PTGS1: variants seen among roughly 807,000 people sequenced by gnomAD.
The protein encoded by PTGS1 is prostaglandin-endoperoxide synthase 1.
PTGS1 carries 40 observed loss-of-function variants against 63.0 expected under a neutral mutation model. The ratio of observed to expected loss-of-function variants is 0.63; its 90% CI spans 0.49 to 0.83. PTGS1 has a LOEUF of 0.83. Ranked by LOEUF, PTGS1 falls within the 40% of genes least tolerant of loss-of-function variation. PTGS1 has a pLI of 0.00. For synonymous variants in PTGS1, 298 were observed against 301.9 expected, an observed-to-expected ratio of 0.99 and a Z score of 0.13; for missense variants, 709 against 786.5, an observed-to-expected ratio of 0.90 and a Z score of 1.18.
intron 2 of PTGS1, among the ~76,000 whole-genome samples, chr9:122,373,154 G>A (rs1008490305): frequency 6.6e-6 from 1 of 152,220 alleles, no homozygotes; most frequent in South Asian, 2.1e-4. Context: ...AGGAAACACC[G>A]TAAGGGTAAT....
chr9:122,393,439 A>G lies in PTGS1; in HGVS notation c.*895A>G, dbSNP rs202155518. The G allele has an allele frequency of 6.6e-6, 1 of 152,126 alleles. No individual in the cohort carries two copies. The highest frequency in any genetic ancestry group is 1.5e-5 in the Non-Finnish European group (1 of 68,038). The allele number at this position is 152,126 out of a possible 1,614,324, so 9.4% of individuals were successfully genotyped here. ...TTCTGCTGGGATCCTTGGGCCCATC[A>G]CTGTATAGACATGCTACCACTGGTA... On this transcript the variant is annotated 3_prime_UTR_variant, in exon 11 of 11. Transcript: ENST00000362012.
rs1838366307 is a variant in PTGS1, at chr9:122,392,752, TC to T, written c.*209del. 1 of 537,454 alleles carries T rather than the reference TC, an allele frequency of 1.9e-6. No homozygotes were observed. Among genetic ancestry groups the T allele is most frequent in the Non-Finnish European group, 3.3e-6 (1 of 306,380 alleles). 33.3% of individuals were successfully genotyped at this position (537,454 alleles called of 1,614,324 possible). ...GAATGCTGAACTCCTTGTTAGCCCTTCAGATTGTTAGGAGTGGTTCTCATTT... is the reference window on the plus strand; with the variant it reads ...GAATGCTGAACTCCTTGTTAGCCCTTAGATTGTTAGGAGTGGTTCTCATTT... On this transcript the variant is annotated 3_prime_UTR_variant, in exon 11 of 11. Transcript: ENST00000362012.
chr9:122,371,588 C>T (rs758661334), intron 2 of PTGS1: 15 of 1,430,084 alleles, frequency 1.0e-5, no homozygotes, highest in Non-Finnish European at 1.4e-5. Flanking sequence ...GCCTCTGCAC[C>T]CAACAACCCC....
intron 9 of PTGS1, among the ~76,000 whole-genome samples, chr9:122,387,451 C>A (rs938783456): frequency 2.6e-5 from 4 of 152,140 alleles, no homozygotes; most frequent in African/African-American, 9.7e-5. Flanking sequence ...ACCGCCAGAA[C>A]CTTAGTATGT....
chr9:122,371,973 G>C (rs1344864051), intron 2 of PTGS1: 6 of 650,920 alleles, frequency 9.2e-6, no homozygotes, highest in Non-Finnish European at 1.6e-5. Flanking sequence ...GAGCCACTCT[G>C]GGTTTCATGG....
At chr9:122,388,611 A>T (rs1418960502) in intron 9 of PTGS1, among the ~76,000 whole-genome samples, 1 of 152,206 alleles carries the variant, frequency 6.6e-6, no homozygotes, top group Non-Finnish European at 1.5e-5. Flanking sequence ...GGAAGCTCAG[A>T]GCAACAGATG....
chr9:122,371,062 TCCC>T lies in PTGS1; in HGVS notation c.-22_-20del. On this transcript the variant is annotated 5_prime_UTR_variant, in exon 1 of 11. Coordinates refer to ENST00000362012, the MANE Select transcript of PTGS1 (RefSeq NM_000962.4). Reference sequence around the variant, plus strand: ...CACGCACAGGAGCCTGCACTCTGCGTCCCGCACCCCAGCAGCCGCGCCATGAGC... The same window carrying T: ...CACGCACAGGAGCCTGCACTCTGCGTGCACCCCAGCAGCCGCGCCATGAGC... 6.3e-7 allele frequency: 1 copy of T among 1,590,372 alleles called. No individual in the cohort carries two copies.
In PTGS1 at chr9:122,392,684, C is replaced by A. The variant is rs375625844; in HGVS notation, c.*140C>A. 8.9e-6 allele frequency: 6 copies of A among 675,654 alleles called. No individual in the cohort carries two copies. Among genetic ancestry groups the A allele is most frequent in the African/African-American group, 7.2e-5 (4 of 55,414 alleles). The allele number at this position is 675,654 out of a possible 1,614,324, so 41.9% of individuals were successfully genotyped here. A position where few individuals can be genotyped will look rare whatever the true frequency, so the allele number is the denominator to read the frequency against. ...GGGGTTGACATTTAGAACTTTAAGT[C>A]TCACCCATTATCTGGAATATTGTGA... is the stretch of plus-strand genomic sequence containing the variant. On this transcript the variant is annotated 3_prime_UTR_variant, in exon 11 of 11. Coordinates refer to ENST00000362012, the MANE Select transcript of PTGS1 (RefSeq NM_000962.4).
At chr9:122,384,802 T>A (rs781200274) in intron 8 of PTGS1, among the ~76,000 whole-genome samples, 20 of 152,050 alleles carry the variant, frequency 1.3e-4, no homozygotes, top group Admixed American at 2.6e-4. Flanking sequence ...GACATGTGAG[T>A]ATTGGAAAGG....
At chr9:122,383,279 G>C (rs1479995563) in intron 7 of PTGS1, among the ~76,000 whole-genome samples, 2 of 150,890 alleles carry the variant, frequency 1.3e-5, no homozygotes, top group South Asian at 2.1e-4. Flanking sequence ...AGTGGAAATA[G>C]GGAGCCCACT....
intron 4 of PTGS1, 24 bp from the exon 5 acceptor site, chr9:122,378,751 C>G: frequency 6.2e-7 from 1 of 1,613,412 alleles, no homozygotes; most frequent in African/African-American, 1.3e-5. Context: ...ACACCCTTGT[C>G]ACCGTTATTT....
rs1245352043 is a variant in PTGS1 at position 122,394,916 on chromosome 9, A to T, written c.*2372A>T. On this transcript the variant is annotated 3_prime_UTR_variant, in exon 11 of 11. Transcript: ENST00000362012. The stretch of plus-strand genomic sequence containing the variant: ...GTTGGAGTTTGTGTCTGTTGCTTGT[A>T]ATCAAGCCTTTATGGCTGCTGGGCT... The T allele has an allele frequency of 1.3e-5, 2 of 152,370 alleles. No individual in the cohort carries two copies. The highest frequency in any genetic ancestry group is 3.9e-4 in the East Asian group (2 of 5,186). 9.4% of individuals were successfully genotyped at this position (152,370 alleles called of 1,614,324 possible). A position where few individuals can be genotyped will look rare whatever the true frequency, so the allele number is the denominator to read the frequency against.
intron 9 of PTGS1, among the ~76,000 whole-genome samples, chr9:122,388,568 C>A (rs1323679617): frequency 6.6e-6 from 1 of 152,194 alleles, no homozygotes; most frequent in African/African-American, 2.4e-5. Context: ...ATATTAGTTT[C>A]CTCAGGCTGC....
At chr9:122,380,473 AT>A (rs1475251234) in intron 5 of PTGS1, among the ~76,000 whole-genome samples, 14 of 126,986 alleles carry the variant, frequency 1.1e-4, no homozygotes, top group African/African-American at 5.9e-4. Context: ...TCAAAAATAA[AT>A]AAATAAATAA....
intron 2 of PTGS1, chr9:122,372,816 C>T (rs950763027): frequency 1.3e-5 from 2 of 150,426 alleles, no homozygotes; most frequent in African/African-American, 5.0e-5. Flanking sequence ...AATGTTTACA[C>T]GGAATTGTTT....
At chr9:122,380,202 G>A (rs7026055) in intron 5 of PTGS1, among the ~76,000 whole-genome samples, 35,869 of 151,914 alleles carry the variant, frequency 0.24, 6,701 homozygotes, top group African/African-American at 0.52. Flanking sequence ...GGTGGCACAC[G>A]TCTGTAATCC....
intron 10 of PTGS1, 122 bp downstream of exon 10, chr9:122,390,467 T>C: frequency 8.5e-7 from 1 of 1,179,744 alleles, no homozygotes. Context: ...AGACTTATAA[T>C]GGGCGTGGAA....
chr9:122,380,919 G>A (rs1022158509), intron 5 of PTGS1, among the ~76,000 whole-genome samples: 1 of 152,148 alleles, frequency 6.6e-6, no homozygotes, highest in Non-Finnish European at 1.5e-5. Context: ...GCAAACACAG[G>A]CTACCTTGAC....
At chr9:122,391,347 CTATATATATACATATATATATATACATA>C (rs772498092) in intron 10 of PTGS1, among the ~76,000 whole-genome samples, 61 of 109,546 alleles carry the variant, frequency 5.6e-4, no homozygotes, top group East Asian at 2.8e-3. Context: ...TATATATATA[CTATATATATACATATATATATATACATA>C]TATATATATA....
Sources: allele counts gnomAD v4.1 joint callset (sites outside exome capture counted in the v4.1 genomes callset), GRCh38; gene constraint gnomAD v4.1.1; transcripts MANE v1.5; gene names NCBI Gene and HGNC (gene_info 2026-07-23, HGNC 2026-07-21).